LHX3: variants seen among roughly 807,000 people sequenced by gnomAD.
The protein encoded by LHX3 is LIM/homeobox protein Lhx3.
A neutral mutation model predicts 32.4 loss-of-function variants in LHX3; 21 were observed. The ratio of observed to expected loss-of-function variants is 0.65; its 90% confidence interval spans 0.46 to 0.93. LHX3 has a LOEUF of 0.93. Among genes scored for constraint, LHX3 ranks in the 40% least tolerant of loss-of-function variants. The pLI is 0.00. For synonymous variants in LHX3, 258 were observed against 246.8 expected (o/e 1.05, Z -0.43); for missense variants, 626 against 560.0 (o/e 1.12, Z -1.19).
chr9:136,200,614 C>G lies in LHX3; in HGVS notation c.219G>C (p.Gly73=), dbSNP rs776207489. 12 of 1,613,594 alleles carry G rather than the reference C, an allele frequency of 7.4e-6. 1 individual carries two copies. The South Asian group carries it at 1.3e-4, about 18-fold the overall frequency. Residue 73 remains glycine, a synonymous_variant, in exon 2 of 6, where the codon GGG becomes GGC. Transcript: ENST00000371748. Reference sequence around the variant, plus strand: ...AGTCGTCCTTGCAGTAAACGCTCTCCCCTCGGCTGAAGCAGCGCTCGGCCA... The same window carrying G: ...AGTCGTCCTTGCAGTAAACGCTCTCGCCTCGGCTGAAGCAGCGCTCGGCCA... The part of the protein sequence containing the change: ...TPLAERCFSR[G]ESVYCKDDFF...
intron 1 of LHX3, 52 bp downstream of exon 1, chr9:136,204,882 G>T: frequency 6.8e-7 from 1 of 1,471,870 alleles, no homozygotes; most frequent in Non-Finnish European, 9.3e-7. Context: ...CCCCTTCCTC[G>T]CGCCTCTGCC....
intron 1 of LHX3, chr9:136,201,728 C>G (rs1004890605): frequency 2.0e-6 from 2 of 982,796 alleles, no homozygotes; most frequent in African/African-American, 3.5e-5. Context: ...AAAAACTGGG[C>G]TGCGCCTCCC....
chr9:136,202,083 C>A (rs1484118572), intron 1 of LHX3, among the ~76,000 whole-genome samples: 1 of 152,052 alleles, frequency 6.6e-6, no homozygotes, highest in East Asian at 1.9e-4. Flanking sequence ...GTCGGCGGAG[C>A]CTGGACGCCA....
At chr9:136,201,955 C>G (rs1716105133) in intron 1 of LHX3, among the ~76,000 whole-genome samples, 1 of 151,922 alleles carries the variant, frequency 6.6e-6, no homozygotes, top group Non-Finnish European at 1.5e-5. Context: ...AGCTCGCCGC[C>G]GGCGCCCGCG....
chr9:136,204,364 T>G (rs1242927690), intron 1 of LHX3, among the ~76,000 whole-genome samples: 1 of 152,186 alleles, frequency 6.6e-6, no homozygotes, highest in Non-Finnish European at 1.5e-5. Flanking sequence ...CGGGCTGTGC[T>G]GGGTGCAGGT....
chr9:136,199,798 G>A lies in LHX3; in HGVS notation c.334C>T (p.His112Tyr). Residue 112 changes from histidine (H) to tyrosine (Y), a missense_variant, in exon 3 of 6, where the codon CAC becomes TAC. His to Tyr is a moderately conservative substitution (Grantham distance 83). Transcript: ENST00000371748. ...VVRRAQDFVY[H>Y]LHCFACVVCK... ...ACGACGCAGGCAAAGCAGTGCAGGT[G>A]GTACACGAAGTCCTGGGCGCGGCGC... The A allele has an allele frequency of 1.9e-6, 3 of 1,612,592 alleles. No individual in the cohort carries two copies. The highest frequency in any genetic ancestry group is 2.5e-6 in the Non-Finnish European group (3 of 1,179,776).
In LHX3 at chr9:136,203,937, G is replaced by A. The variant is rs539940005; in HGVS notation, c.79+997C>T. 3.9e-5 allele frequency among the ~76,000 whole-genome samples: 6 copies of A among 152,368 alleles called. 1 individual carries two copies. In the South Asian group the frequency reaches 1.2e-3, roughly 32 times the overall value. ...AGGGACGCACCCACCCCTGCCCAGA[G>A]GGCCCTGGGCCAGCACCAGCCCTGG... is the stretch of plus-strand genomic sequence containing the variant. On this transcript the variant is annotated intron_variant, in intron 1 of 5. Coordinates refer to ENST00000371748, the MANE Select transcript of LHX3 (RefSeq NM_178138.6).
Position 136,197,457 on chromosome 9 carries a change from C to A in LHX3, c.1062G>T (p.Gly354=). ...LGLVPSGAPG[G]PPPMRVLAGN... ...CTGCCAGCACCCTCATGGGTGGGGG[C>A]CCGCCGGGGGCTCCCGAGGGCACAA... The change falls in exon 6 of 6, where the codon GGG becomes GGT. Residue 354 remains glycine, a synonymous_variant. Coordinates refer to ENST00000371748, the MANE Select transcript of LHX3 (RefSeq NM_178138.6). The A allele has an allele frequency of 6.3e-7, 1 of 1,580,812 alleles. No individual in the cohort carries two copies. Among genetic ancestry groups the A allele is most frequent in the South Asian group, 1.1e-5 (1 of 87,166 alleles).
At chr9:136,204,411 C>G (rs1363318949) in intron 1 of LHX3, among the ~76,000 whole-genome samples, 2 of 152,008 alleles carry the variant, frequency 1.3e-5, no homozygotes, top group Non-Finnish European at 2.9e-5. Flanking sequence ...GATCAGGGGT[C>G]GTGTGTGGCA....
chr9:136,198,430 G>C (rs1010036344), intron 5 of LHX3, among the ~76,000 whole-genome samples: 3 of 152,272 alleles, frequency 2.0e-5, no homozygotes, highest in South Asian at 2.1e-4. Context: ...TCGGGCCACA[G>C]GGATTGTGTC....
At chr9:136,198,618 G>T (rs776034695) in intron 5 of LHX3, 34 bp downstream of exon 5, 5 of 1,449,054 alleles carry the variant, frequency 3.5e-6, no homozygotes, top group African/African-American at 1.6e-5. Flanking sequence ...ACGCGCGCTC[G>T]TCCCCCCCCG....
intron 1 of LHX3, chr9:136,201,773 C>T (rs1831645032): frequency 1.1e-6 from 1 of 892,434 alleles, no homozygotes; most frequent in African/African-American, 1.8e-5. Flanking sequence ...TGAATGCGCC[C>T]CGCATCCGGC....
At chr9:136,202,063 G>A (rs940809804) in intron 1 of LHX3, among the ~76,000 whole-genome samples, 1 of 152,086 alleles carries the variant, frequency 6.6e-6, no homozygotes, top group African/African-American at 2.4e-5. Flanking sequence ...CCTGTGTCAG[G>A]GATGGCGGGG....
At chr9:136,200,080 A>G (rs964892442) in intron 2 of LHX3, 200 bp from the exon 3 acceptor site, 15 of 690,258 alleles carry the variant, frequency 2.2e-5, no homozygotes, top group Non-Finnish European at 3.4e-5. Flanking sequence ...TCTCAGAAAG[A>G]CCTCGGGGAG....
At chr9:136,198,468 A>C (rs551916302) in intron 5 of LHX3, among the ~76,000 whole-genome samples, 184 bp downstream of exon 5, 2 of 152,176 alleles carry the variant, frequency 1.3e-5, no homozygotes, top group Non-Finnish European at 2.9e-5. Context: ...AGTGGTCCGG[A>C]GTGGCCACCC....
chr9:136,201,246 T>C, intron 1 of LHX3: 1 of 1,286,710 alleles, frequency 7.8e-7, no homozygotes, highest in Non-Finnish European at 9.8e-7. Context: ...CAAATGTGGC[T>C]GCCCTGCCTG....
Position 136,199,065 on chromosome 9 carries a change from C to T in LHX3, c.455-6G>A. On this transcript the variant is annotated splice_polypyrimidine_tract_variant and splice_region_variant and intron_variant, in intron 3 of 5. Coordinates refer to ENST00000371748, the MANE Select transcript of LHX3 (RefSeq NM_178138.6). The stretch of plus-strand genomic sequence containing the variant: ...CTTGGCCGTGGCCTCGGCCTCTGCG[C>T]GGCGGGCGAGCGGTGAGGCGCGGCA... 1 of 1,518,914 alleles carries T rather than the reference C, an allele frequency of 6.6e-7. No homozygotes were observed. The highest frequency in any genetic ancestry group is 8.8e-7 in the Non-Finnish European group (1 of 1,138,756). The allele number at this position is 1,518,914 out of a possible 1,614,324, so 94.1% of individuals were successfully genotyped here. A position where few individuals can be genotyped will look rare whatever the true frequency, so the allele number is the denominator to read the frequency against.
At chr9:136,204,178 C>A (rs1831707156) in intron 1 of LHX3, among the ~76,000 whole-genome samples, 1 of 152,244 alleles carries the variant, frequency 6.6e-6, no homozygotes, top group African/African-American at 2.4e-5. Flanking sequence ...AGGGCCCAGG[C>A]CCAGAAGGAT....
chr9:136,199,570 C>T (rs1311777547), intron 3 of LHX3, 108 bp downstream of exon 3: 4 of 1,238,750 alleles, frequency 3.2e-6, no homozygotes, highest in African/African-American at 3.0e-5. Context: ...CCCAGGCCCC[C>T]TTAGTGAGCG....
Sources: gnomAD v4.1 joint callset for allele counts (sites outside exome capture counted in the v4.1 genomes callset) on GRCh38, gnomAD v4.1.1 for gene constraint, MANE v1.5 for transcripts, NCBI Gene and HGNC (gene_info 2026-07-23, HGNC 2026-07-21) for gene names.